DDR2: variants seen among roughly 807,000 people sequenced by gnomAD.
DDR2 encodes discoidin domain receptor tyrosine kinase 2, also known as discoidin domain-containing receptor 2.
Under a neutral mutation model 94.9 loss-of-function variants are expected in DDR2, and 27 were observed. The observed-to-expected ratio is 0.28, with a 90% CI of 0.21 to 0.39. DDR2 has a LOEUF of 0.39. DDR2 is among the 10% of genes least tolerant of loss of function. The pLI is 1.00. For synonymous variants in DDR2, 382 were observed against 377.2 expected (o/e 1.01, Z -0.15); for missense variants, 783 against 1,076.0 (o/e 0.73, Z 3.81).
At chr1:162,647,166 G>T (rs1657454123) in intron 1 of DDR2, among the ~76,000 whole-genome samples, 3 of 152,108 alleles carry the variant, frequency 2.0e-5, no homozygotes, top group Admixed American at 2.0e-4. Context: ...CCGATGAGAG[G>T]GTGGTAGAAA....
intron 3 of DDR2, among the ~76,000 whole-genome samples, chr1:162,725,319 T>G (rs532366753): frequency 1.3e-5 from 2 of 152,272 alleles, no homozygotes; most frequent in South Asian, 4.1e-4. Context: ...TTCTACTTCT[T>G]TTTTCTTTAT....
chr1:162,687,109 C>G (rs1022485497), intron 2 of DDR2, among the ~76,000 whole-genome samples: 9 of 152,210 alleles, frequency 5.9e-5, no homozygotes, highest in African/African-American at 2.2e-4. Context: ...TTGGGCTGCT[C>G]TGGCCTCTCT....
chr1:162,700,898 G>T (rs140408402), intron 2 of DDR2, among the ~76,000 whole-genome samples: 1 of 152,104 alleles, frequency 6.6e-6, no homozygotes, highest in Non-Finnish European at 1.5e-5. Context: ...TGATTAAACC[G>T]GTGTTTTCTT....
rs997987524 is a variant in DDR2 at position 162,676,938 on chromosome 1, T to A, written c.-28+21564T>A. ...CATGCTCAGTTTTCTATTTTCTTTATAGTGGAAAAGTCAATGCCCTTCCTA... is the reference window on the plus strand; with the variant it reads ...CATGCTCAGTTTTCTATTTTCTTTAAAGTGGAAAAGTCAATGCCCTTCCTA... On this transcript the variant is annotated intron_variant, in intron 2 of 17. Transcript: ENST00000367921. 2.6e-5 allele frequency among the ~76,000 whole-genome samples: 4 copies of A among 152,186 alleles called. 1 individual carries two copies. Among genetic ancestry groups the A allele is most frequent in the Non-Finnish European group, 5.9e-5 (4 of 68,030 alleles).
chr1:162,771,172 C>G (rs1216349053), intron 12 of DDR2, among the ~76,000 whole-genome samples: 2 of 152,116 alleles, frequency 1.3e-5, no homozygotes, highest in African/African-American at 2.4e-5. Context: ...CGATGTCTTT[C>G]AAAAAATGAT....
In DDR2 at chr1:162,782,039, C is replaced by T. The variant is rs1647929991; in HGVS notation, c.*1793C>T. On this transcript the variant is annotated 3_prime_UTR_variant, in exon 18 of 18. Coordinates refer to ENST00000367921, the MANE Select transcript of DDR2 (RefSeq NM_006182.4). ...TTTGCAGGTCATCTTCTGATCCTAG[C>T]AAATGTCCTTTCCCCATAGTTGTCC... The T allele has an allele frequency of 6.6e-6, 1 of 152,224 alleles. No homozygotes were observed. Among genetic ancestry groups the T allele is most frequent in the African/African-American group, 2.4e-5 (1 of 41,440 alleles). 9.4% of individuals were successfully genotyped at this position (152,224 alleles called of 1,614,324 possible). A position where few individuals can be genotyped will look rare whatever the true frequency, so the allele number is the denominator to read the frequency against.
chr1:162,729,500 G>GT (rs1041380410), intron 3 of DDR2, among the ~76,000 whole-genome samples: 10 of 147,632 alleles, frequency 6.8e-5, no homozygotes, highest in African/African-American at 2.5e-4. Flanking sequence ...TAAGTGGGAG[G>GT]TGATGAGTTG....
intron 15 of DDR2, 79 bp from the exon 16 acceptor site, chr1:162,776,057 G>A (rs1647531712): frequency 7.1e-7 from 1 of 1,406,540 alleles, no homozygotes; most frequent in Non-Finnish European, 1.0e-6. Context: ...CTAGTTTGTT[G>A]ATACCATTTT....
chr1:162,679,096 G>T (rs1055007914), intron 2 of DDR2, among the ~76,000 whole-genome samples: 3 of 150,680 alleles, frequency 2.0e-5, no homozygotes, highest in Non-Finnish European at 4.4e-5. Flanking sequence ...GTGCAGGTTT[G>T]TCATATAGTA....
chr1:162,755,104 A>T, intron 5 of DDR2, 52 bp from the exon 6 acceptor site: 1 of 1,612,774 alleles, frequency 6.2e-7, no homozygotes. Flanking sequence ...GGTGAAGAAA[A>T]GTGAGCATGA....
intron 2 of DDR2, among the ~76,000 whole-genome samples, chr1:162,696,023 A>G (rs1210232179): frequency 3.9e-5 from 6 of 152,140 alleles, no homozygotes; most frequent in Non-Finnish European, 8.8e-5. Context: ...AAAGTAGATC[A>G]ATGAACTCAT....
chr1:162,725,163 G>A (rs1397209), intron 3 of DDR2, among the ~76,000 whole-genome samples: 128,595 of 152,106 alleles, frequency 0.85, 55,157 homozygotes, highest in Non-Finnish European at 0.92. Context: ...TAGTATTAGT[G>A]TTATTATATA....
intron 2 of DDR2, among the ~76,000 whole-genome samples, chr1:162,703,937 C>G (rs573585394): frequency 6.6e-6 from 1 of 152,248 alleles, no homozygotes; most frequent in African/African-American, 2.4e-5. Context: ...CTATTGCACA[C>G]AAGAGAGGAG....
Position 162,775,706 on chromosome 1 carries a change from C to A in DDR2, c.1911C>A (p.Ile637=). 6.2e-7 allele frequency: 1 copy of A among 1,614,140 alleles called. No individual in the cohort carries two copies. Among genetic ancestry groups the A allele is most frequent in the Non-Finnish European group, 8.5e-7 (1 of 1,179,992 alleles). Residue 637 remains isoleucine (I), a synonymous_variant, in exon 15 of 18, where the codon ATC becomes ATA. Coordinates refer to ENST00000367921, the MANE Select transcript of DDR2 (RefSeq NM_006182.4). ...KIMSRLKDPN[I]IHLLAVCITD... is the part of the protein sequence containing the mutation. ...TGTCTCGGCTCAAGGACCCAAACATCATCCATCTATTAGCTGTGTGTATCA... is the reference window on the plus strand; with the variant it reads ...TGTCTCGGCTCAAGGACCCAAACATAATCCATCTATTAGCTGTGTGTATCA...
At position 162,747,311 on chromosome 1, in the gene DDR2, T is replaced by C. The variant is rs575399812; in HGVS notation, c.83-5784T>C. Among the ~76,000 whole-genome samples, 6 of 152,232 alleles carry C rather than the reference T, an allele frequency of 3.9e-5. No individual in the cohort carries two copies. In the South Asian group the frequency reaches 1.2e-3, roughly 32 times the overall value. On this transcript the variant is annotated intron_variant, in intron 3 of 17. Transcript: ENST00000367921. ...GAATGGCTAACTAGAATAAACAGTG[T>C]AGAGAAGACCTTAAGTGACCTGGTG... is the stretch of plus-strand genomic sequence containing the variant.
chr1:162,699,733 A>G (rs1217210668), intron 2 of DDR2, among the ~76,000 whole-genome samples: 1 of 45,586 alleles, frequency 2.2e-5, no homozygotes, highest in Non-Finnish European at 7.9e-5. Context: ...TGTAAGACTT[A>G]GTCTATTATT....
At chr1:162,732,449 G>A (rs1662099956) in intron 3 of DDR2, among the ~76,000 whole-genome samples, 1 of 152,176 alleles carries the variant, frequency 6.6e-6, no homozygotes, top group Non-Finnish European at 1.5e-5. Flanking sequence ...AAGAACCAGG[G>A]ATCAGGAGAC....
intron 3 of DDR2, chr1:162,741,698 T>TG: frequency 1.0e-6 from 1 of 985,332 alleles, no homozygotes; most frequent in African/African-American, 1.7e-5. Flanking sequence ...TACACACAGG[T>TG]GACAGTCACA....
At position 162,776,912 on chromosome 1, in the gene DDR2, T is replaced by C. The variant is rs532787791; in HGVS notation, c.2283+542T>C. On this transcript the variant is annotated intron_variant, in intron 16 of 17. Transcript: ENST00000367921. The stretch of plus-strand genomic sequence containing the variant: ...TAGAGGTATATTTTCTGTCCATGCA[T>C]ACCTGAGACTTTTTATTGTTGATTT... 3.9e-5 allele frequency among the ~76,000 whole-genome samples: 6 copies of C among 152,324 alleles called. No individual in the cohort carries two copies. In the South Asian group the frequency reaches 1.0e-3, roughly 26 times the overall value.
Sources: allele counts gnomAD v4.1 joint callset (sites outside exome capture counted in the v4.1 genomes callset), GRCh38; gene constraint gnomAD v4.1.1; transcripts MANE v1.5; gene names NCBI Gene and HGNC (gene_info 2026-07-23, HGNC 2026-07-21).